Variants in SMAP1 observed in about 807,000 individuals in gnomAD.
SMAP1 encodes the protein stromal membrane-associated protein 1.
SMAP1 carries 24 observed loss-of-function variants against 58.5 expected under a neutral mutation model. The observed-to-expected ratio is 0.41, with a 90% confidence interval of 0.30 to 0.58. SMAP1 has a LOEUF of 0.58. Among genes scored for constraint, SMAP1 ranks in the 20% least tolerant of loss-of-function variants. SMAP1 has a pLI of 0.29. For synonymous variants in SMAP1, 216 were observed against 196.6 expected (o/e 1.10, Z -0.82); for missense variants, 563 against 566.3 (o/e 0.99, Z 0.06).
chr6:70,710,055 G>C (rs887606728), intron 1 of SMAP1, among the ~76,000 whole-genome samples: 6 of 152,018 alleles, frequency 3.9e-5, no homozygotes, highest in Non-Finnish European at 7.4e-5. Context: ...CTGTGTCTAG[G>C]CTGTCATGGT....
At chr6:70,826,427 A>T (rs138447641) in intron 6 of SMAP1, among the ~76,000 whole-genome samples, 10 of 151,530 alleles carry the variant, frequency 6.6e-5, no homozygotes, top group Admixed American at 6.6e-4. Flanking sequence ...CTTCTTTTCC[A>T]TAGTCTTACC....
chr6:70,732,595 C>T, intron 2 of SMAP1, 84 bp downstream of exon 2: 12 of 1,208,320 alleles, frequency 9.9e-6, no homozygotes, highest in Non-Finnish European at 1.2e-5. Flanking sequence ...TAAGGATTAA[C>T]ATTGAAAAGT....
chr6:70,780,171 A>AT (rs556316956), intron 4 of SMAP1, among the ~76,000 whole-genome samples: 160 of 152,216 alleles, frequency 1.1e-3, no homozygotes, highest in African/African-American at 3.7e-3. Context: ...GGGGGTGGAA[A>AT]TTTTAGTGGC....
chr6:70,671,228 G>A (rs2128546977), intron 1 of SMAP1, among the ~76,000 whole-genome samples: 2 of 152,050 alleles, frequency 1.3e-5, no homozygotes, highest in South Asian at 4.2e-4. Flanking sequence ...CTCTGAATAG[G>A]GCATCTTGTG....
chr6:70,816,530 T>C (rs1017103247), intron 6 of SMAP1, among the ~76,000 whole-genome samples: 1 of 152,184 alleles, frequency 6.6e-6, no homozygotes, highest in African/African-American at 2.4e-5. Context: ...TGAAATACTT[T>C]TTTACTTTGC....
At chr6:70,747,460 T>C (rs879329023) in intron 2 of SMAP1, among the ~76,000 whole-genome samples, 4 of 152,156 alleles carry the variant, frequency 2.6e-5, no homozygotes, top group Non-Finnish European at 5.9e-5. Context: ...GGTGCTGATC[T>C]TATGAGTGAT....
At chr6:70,757,169 A>C (rs1447192774) in intron 3 of SMAP1, among the ~76,000 whole-genome samples, 1 of 151,472 alleles carries the variant, frequency 6.6e-6, no homozygotes, top group Admixed American at 6.6e-5. Flanking sequence ...ACCAAAACAG[A>C]GATATAGATC....
At chr6:70,744,919 A>G (rs1258997105) in intron 2 of SMAP1, among the ~76,000 whole-genome samples, 1 of 152,172 alleles carries the variant, frequency 6.6e-6, no homozygotes, top group South Asian at 2.1e-4. Context: ...TTGTCTGATG[A>G]CCAGTGATAA....
chr6:70,761,541 T>A (rs1212942487), intron 3 of SMAP1, among the ~76,000 whole-genome samples: 2 of 152,076 alleles, frequency 1.3e-5, no homozygotes, highest in Non-Finnish European at 2.9e-5. Context: ...TCTTTTGTTG[T>A]CGTTTCTCAT....
In SMAP1 at chr6:70,860,378, C is replaced by G. The variant is rs764122393; in HGVS notation, c.*44C>G. 49 of 1,569,408 alleles carry G rather than the reference C, an allele frequency of 3.1e-5. 1 individual carries two copies. The African/African-American group carries it at 6.0e-4, about 19-fold the overall frequency. On this transcript the variant is annotated 3_prime_UTR_variant, in exon 11 of 11. Coordinates refer to ENST00000370455, the MANE Select transcript of SMAP1 (RefSeq NM_001044305.3). ...CATCCAGAACTACCACCTGACATTC[C>G]TTGCTGAAACGCATCTAGTTCCCCT...
intron 7 of SMAP1, among the ~76,000 whole-genome samples, chr6:70,851,780 A>C (rs188633665): frequency 6.4e-4 from 98 of 152,272 alleles, no homozygotes; most frequent in Non-Finnish European, 1.2e-4. Context: ...TTTTAATTTG[A>C]ATTTTTAAGT....
chr6:70,859,191 T>C, intron 10 of SMAP1: 1 of 566,898 alleles, frequency 1.8e-6, no homozygotes, highest in Non-Finnish European at 3.1e-6. Flanking sequence ...AGGTAAAACA[T>C]TGGTCTCTAC....
At chr6:70,688,948 A>G (rs1257257647) in intron 1 of SMAP1, among the ~76,000 whole-genome samples, 1 of 151,916 alleles carries the variant, frequency 6.6e-6, no homozygotes, top group Non-Finnish European at 1.5e-5. Context: ...GTTGCATTTT[A>G]TATATGATAC....
In SMAP1 at chr6:70,754,077, A is replaced by T. The variant is rs558437575; in HGVS notation, c.253-903A>T. Among the ~76,000 whole-genome samples the T allele has an allele frequency of 2.0e-5, 3 of 152,256 alleles. No individual in the cohort carries two copies. The South Asian group carries it at 6.2e-4, about 32-fold the overall frequency. On this transcript the variant is annotated intron_variant, in intron 2 of 10. Transcript: ENST00000370455. Reference sequence around the variant, plus strand: ...AAATCTGGATTGTCATCTCAAGGACATAGGGGTGTGTGTCTGGGAAACAGG... The same window carrying T: ...AAATCTGGATTGTCATCTCAAGGACTTAGGGGTGTGTGTCTGGGAAACAGG...
intron 3 of SMAP1, among the ~76,000 whole-genome samples, chr6:70,758,023 T>C (rs370541434): frequency 5.3e-5 from 8 of 152,086 alleles, no homozygotes; most frequent in Admixed American, 4.6e-4. Context: ...TTACTGGGTA[T>C]ATACCCAAAG....
At chr6:70,784,715 C>G (rs1448098611) in intron 4 of SMAP1, among the ~76,000 whole-genome samples, 1 of 152,166 alleles carries the variant, frequency 6.6e-6, no homozygotes. Context: ...AAGACCATTA[C>G]ATAATGGTAA....
chr6:70,769,621 C>T (rs1358817711), intron 3 of SMAP1, among the ~76,000 whole-genome samples: 1 of 152,154 alleles, frequency 6.6e-6, no homozygotes, highest in Non-Finnish European at 1.5e-5. Flanking sequence ...CTTCCTCCAT[C>T]CCTTTATATT....
intron 4 of SMAP1, among the ~76,000 whole-genome samples, chr6:70,784,700 CAAAG>C (rs1283008830): frequency 2.6e-5 from 4 of 152,112 alleles, no homozygotes; most frequent in African/African-American, 4.8e-5. Flanking sequence ...TCAAAAGAGA[CAAAG>C]AAGACCATTA....
chr6:70,824,110 T>A (rs1390868143), intron 6 of SMAP1, among the ~76,000 whole-genome samples: 1 of 152,168 alleles, frequency 6.6e-6, no homozygotes, highest in Non-Finnish European at 1.5e-5. Flanking sequence ...CTGTCTCTCT[T>A]GTTTTCAGGG....
Sources: gnomAD v4.1 joint callset for allele counts (sites outside exome capture counted in the v4.1 genomes callset) on GRCh38, gnomAD v4.1.1 for gene constraint, MANE v1.5 for transcripts, NCBI Gene and HGNC (gene_info 2026-07-23, HGNC 2026-07-21) for gene names.